Variants in KCNT1 observed in about 807,000 individuals in gnomAD.
The protein encoded by KCNT1 is potassium channel subfamily T member 1.
A neutral mutation model predicts 147.8 loss-of-function variants in KCNT1; 78 were observed. That is an observed-to-expected ratio of 0.53 (90% confidence interval 0.44 to 0.64). KCNT1 has a LOEUF of 0.64. KCNT1 is among the 30% of genes least tolerant of loss of function. The pLI is 0.00. For missense variants in KCNT1, 1,419 were observed against 1,750.3 expected (o/e 0.81, Z 3.38); for synonymous variants, 867 against 748.8 (o/e 1.16, Z -2.58).
At chr9:135,773,178 G>T (rs995418012) in intron 19 of KCNT1, among the ~76,000 whole-genome samples, 2 of 152,196 alleles carry the variant, frequency 1.3e-5, no homozygotes, top group African/African-American at 4.8e-5. Flanking sequence ...ACTGAGATGG[G>T]GTGTGCTGGG....
chr9:135,779,317 C>T, intron 23 of KCNT1, 42 bp from the exon 24 acceptor site: 1 of 1,329,278 alleles, frequency 7.5e-7, no homozygotes, highest in Non-Finnish European at 1.1e-6. Flanking sequence ...AGACCTCCTA[C>T]AACCACCATG....
rs544990386 is a variant in KCNT1, at chr9:135,752,896, A to G, written c.435-1041A>G. Among the ~76,000 whole-genome samples the G allele has an allele frequency of 5.3e-3, 773 of 145,656 alleles. 4 individuals carry two copies. Among genetic ancestry groups the G allele is most frequent in the Middle Eastern group, 0.019 (5 of 258 alleles). The stretch of plus-strand genomic sequence containing the variant: ...GATGGATGGAGAGATGAGCAGAAGG[A>G]TGGAGGGATGAGTGGATGGATGATG... On this transcript the variant is annotated intron_variant, in intron 4 of 30. Coordinates refer to ENST00000371757, the MANE Select transcript of KCNT1 (RefSeq NM_020822.3). This position sits in a 1 kb window ranked among gnomAD's most constrained non-coding sequence, Gnocchi z 5.1.
chr9:135,744,864 C>T (rs149420829), intron 2 of KCNT1, among the ~76,000 whole-genome samples: 5 of 152,220 alleles, frequency 3.3e-5, no homozygotes, highest in African/African-American at 4.8e-5. Flanking sequence ...TGAGTCTCAC[C>T]GGCCCTGCGT....
At chr9:135,711,811 C>A (rs936309575) in intron 1 of KCNT1, among the ~76,000 whole-genome samples, 5 of 152,218 alleles carry the variant, frequency 3.3e-5, no homozygotes, top group African/African-American at 9.6e-5. Context: ...TGGGTCATAG[C>A]CTTTGTCCAT....
intron 11 of KCNT1, among the ~76,000 whole-genome samples, chr9:135,761,268 C>T (rs564457681): frequency 1.3e-5 from 2 of 152,320 alleles, no homozygotes; most frequent in South Asian, 2.1e-4. Context: ...AAGTGTAAAG[C>T]TCGCCTCTCA....
In KCNT1 at chr9:135,769,929, C is replaced by T. The variant is rs763150708; in HGVS notation, c.1511-18C>T. The T allele has an allele frequency of 6.5e-7, 1 of 1,537,490 alleles. No individual in the cohort carries two copies. The highest frequency in any genetic ancestry group is 1.2e-5 in the South Asian group (1 of 83,632). On this transcript the variant is annotated intron_variant, in intron 15 of 30. Coordinates refer to ENST00000371757, the MANE Select transcript of KCNT1 (RefSeq NM_020822.3). ...CCGGCAGAGCGGCAGGTGGACCGGC[C>T]TCCCCCACTGCCCGCAGACCACGTG...
At chr9:135,713,923 C>T (rs1331018297) in intron 1 of KCNT1, among the ~76,000 whole-genome samples, 2 of 152,340 alleles carry the variant, frequency 1.3e-5, no homozygotes, top group East Asian at 3.9e-4. Context: ...CCCTTTGATC[C>T]CTCACCTGGT....
At chr9:135,703,566 G>A (rs1479323486) in intron 1 of KCNT1, among the ~76,000 whole-genome samples, 1 of 152,212 alleles carries the variant, frequency 6.6e-6, no homozygotes, top group East Asian at 1.9e-4. Flanking sequence ...TCCTTGGGAA[G>A]TGGGCACAGC....
At chr9:135,760,904 C>T (rs539286035) in intron 11 of KCNT1, among the ~76,000 whole-genome samples, 1 of 152,238 alleles carries the variant, frequency 6.6e-6, no homozygotes, top group South Asian at 2.1e-4. Context: ...CCCTGGTTCT[C>T]GCTGATGAGC....
chr9:135,783,884 A>G (rs975688586), intron 24 of KCNT1, 140 bp from the exon 25 acceptor site: 7 of 667,182 alleles, frequency 1.0e-5, no homozygotes, highest in African/African-American at 3.5e-5. Flanking sequence ...GTACACGTGG[A>G]CACACACACC....
intron 2 of KCNT1, among the ~76,000 whole-genome samples, chr9:135,744,973 G>A (rs1310384710): frequency 2.6e-5 from 4 of 152,174 alleles, no homozygotes; most frequent in Non-Finnish European, 5.9e-5. Context: ...AGACGGGCCC[G>A]GCCCCCTGTG....
At chr9:135,718,536 G>A (rs867461027) in intron 2 of KCNT1, among the ~76,000 whole-genome samples, 3 of 152,340 alleles carry the variant, frequency 2.0e-5, no homozygotes, top group African/African-American at 7.2e-5. Context: ...TGGCCATGGG[G>A]GTGTCTCAGG....
chr9:135,760,293 C>T (rs1028852894), intron 11 of KCNT1, among the ~76,000 whole-genome samples: 10 of 152,202 alleles, frequency 6.6e-5, no homozygotes, highest in African/African-American at 2.4e-4. Flanking sequence ...TGGCCCACTG[C>T]CCACTGAGCA....
chr9:135,760,944 G>A (rs1831874423), intron 11 of KCNT1, among the ~76,000 whole-genome samples: 1 of 152,184 alleles, frequency 6.6e-6, no homozygotes, highest in South Asian at 2.1e-4. Flanking sequence ...GAAGCCAGTT[G>A]TGTGTGGCTT....
chr9:135,731,983 TATATATATAGAGAGAGAGAGAGAGAGAG>T (rs1416295810), intron 2 of KCNT1, among the ~76,000 whole-genome samples: 2 of 24,906 alleles, frequency 8.0e-5, no homozygotes, highest in African/African-American at 3.0e-4. Flanking sequence ...TATATATATA[TATATATATAGAGAGAGAGAGAGAGAGAG>T]AGAGAGAGAG....
intron 1 of KCNT1, among the ~76,000 whole-genome samples, chr9:135,703,424 G>GAGGGACCAGGCTGGAGAGGAGGTTCCC (rs1835116262): frequency 6.6e-6 from 1 of 152,224 alleles, no homozygotes; most frequent in African/African-American, 2.4e-5. Flanking sequence ...TGCCTCTGGT[G>GAGGGACCAGGCTGGAGAGGAGGTTCCC]AGGGACCAGG....
Position 135,756,855 on chromosome 9 carries a change from C to A in KCNT1, c.541-18C>A. ...GCCCCGGCCTGCTCCAGAGCTCCTT[C>A]CCTTTCCTGACTCCCAGGTCATCGT... On this transcript the variant is annotated intron_variant, in intron 6 of 30. Transcript: ENST00000371757. 1 of 1,612,468 alleles carries A rather than the reference C, an allele frequency of 6.2e-7. No individual in the cohort carries two copies. Among genetic ancestry groups the A allele is most frequent in the Non-Finnish European group, 8.5e-7 (1 of 1,179,028 alleles).
chr9:135,726,461 G>A (rs1486930973), intron 2 of KCNT1, among the ~76,000 whole-genome samples: 5 of 152,190 alleles, frequency 3.3e-5, no homozygotes, highest in East Asian at 3.9e-4. Context: ...GGCCAGGGCC[G>A]CATCTTTACC....
intron 2 of KCNT1, among the ~76,000 whole-genome samples, chr9:135,720,313 G>A (rs1056415274): frequency 5.3e-5 from 8 of 151,976 alleles, no homozygotes; most frequent in Admixed American, 1.3e-4. Context: ...GGGTTGCGGT[G>A]GGGATGTCTC....
Sources: allele counts gnomAD v4.1 joint callset (sites outside exome capture counted in the v4.1 genomes callset), GRCh38; gene constraint gnomAD v4.1.1; non-coding constraint Gnocchi (gnomAD v3.1); transcripts MANE v1.5; gene names NCBI Gene and HGNC (gene_info 2026-07-23, HGNC 2026-07-21).